Variants in NREP observed in about 807,000 individuals in gnomAD.
The protein encoded by NREP is neuronal regeneration-related protein.
NREP carries 5 observed loss-of-function variants against 8.6 expected under a neutral mutation model. That is an observed-to-expected ratio of 0.58 (90% CI 0.30 to 1.22). The LOEUF (loss-of-function observed/expected upper bound fraction) is 1.22, where lower values mean the gene tolerates loss of function less well. NREP is among the 50% of genes most tolerant of loss of function. NREP has a pLI of 0.07. For missense variants in NREP, 86 were observed against 82.5 expected (o/e 1.04, Z -0.17); for synonymous variants, 27 against 28.0 (o/e 0.96, Z 0.11).
intron 2 of NREP, among the ~76,000 whole-genome samples, chr5:111,791,770 G>A (rs769449642): frequency 2.0e-5 from 3 of 152,222 alleles, no homozygotes; most frequent in Non-Finnish European, 2.9e-5. Flanking sequence ...ATGGCACCCT[G>A]TGACTTAAAT....
intron 2 of NREP, among the ~76,000 whole-genome samples, chr5:111,897,025 G>A (rs1232310839): frequency 6.6e-6 from 1 of 152,026 alleles, no homozygotes; most frequent in Non-Finnish European, 1.5e-5. Flanking sequence ...TGGTTTTGGA[G>A]AACAGGGGTC....
At chr5:111,930,255 C>T (rs1170212137) in intron 2 of NREP, among the ~76,000 whole-genome samples, 2 of 152,120 alleles carry the variant, frequency 1.3e-5, no homozygotes, top group African/African-American at 4.8e-5. Context: ...ACTGATTACA[C>T]AGCTCAGGAT....
At chr5:111,809,640 C>CTTCTCCACCGTG (rs1360547864) in intron 2 of NREP, among the ~76,000 whole-genome samples, 2 of 152,134 alleles carry the variant, frequency 1.3e-5, no homozygotes, top group East Asian at 3.9e-4. Context: ...CCCCTTTGAC[C>CTTCTCCACCGTG]TTCTCCACCG....
chr5:111,732,774 G>A (rs920916499), intron 3 of NREP: 1 of 151,964 alleles, frequency 6.6e-6, no homozygotes, highest in African/African-American at 2.4e-5. Context: ...TTCAGGATAG[G>A]ACAAACTTAG....
In NREP at chr5:111,855,783, C is replaced by T. The variant is rs536547540; in HGVS notation, c.135+119491G>A. Among the ~76,000 whole-genome samples, 12 of 152,210 alleles carry T rather than the reference C, an allele frequency of 7.9e-5. No homozygotes were observed. The South Asian group carries it at 8.3e-4, about 11-fold the overall frequency. On this transcript the variant is annotated intron_variant, in intron 2 of 3. Coordinates refer to the NREP transcript ENST00000395634. The stretch of plus-strand genomic sequence containing the variant: ...AAAGCCACCCCTAGGGGTTGCAGGA[C>T]CAGGACAAATCACACAGGGCCAACC...
At position 111,781,833 on chromosome 5, in the gene NREP, G is replaced by A. The variant is rs73787385; in HGVS notation, c.136-46326C>T. ...AGGCTATCGGGGCCAAGGGGAGGTG[G>A]GGAAGAAATTGGTTCATCTTTCAGG... On this transcript the variant is annotated intron_variant, in intron 2 of 3. Transcript: ENST00000395634. 1.7e-3 allele frequency among the ~76,000 whole-genome samples: 253 copies of A among 152,206 alleles called. 1 individual carries two copies. The highest frequency in any genetic ancestry group is 5.9e-3 in the African/African-American group (245 of 41,558).
intron 2 of NREP, among the ~76,000 whole-genome samples, chr5:111,865,277 T>C (rs982444349): frequency 6.6e-6 from 1 of 152,184 alleles, no homozygotes; most frequent in African/African-American, 2.4e-5. Flanking sequence ...ATCAGTGGTA[T>C]AGCTCACACA....
chr5:111,859,819 G>A (rs1007612690), intron 2 of NREP, among the ~76,000 whole-genome samples: 3 of 151,930 alleles, frequency 2.0e-5, no homozygotes, highest in East Asian at 3.9e-4. Flanking sequence ...CAGTGCCATG[G>A]CAATTCTGTT....
At chr5:111,776,089 T>C (rs1210361729) in intron 2 of NREP, among the ~76,000 whole-genome samples, 1 of 152,180 alleles carries the variant, frequency 6.6e-6, no homozygotes, top group Non-Finnish European at 1.5e-5. Context: ...CCTCAAACCC[T>C]GCCAGGAGCA....
chr5:111,975,170 G>A (rs994229170), intron 2 of NREP: 22 of 757,768 alleles, frequency 2.9e-5, no homozygotes, highest in Non-Finnish European at 4.7e-5. Context: ...GGCAATGGTG[G>A]GAATGACTGC....
At chr5:111,766,101 G>A (rs140173892) in intron 2 of NREP, among the ~76,000 whole-genome samples, 52 of 152,212 alleles carry the variant, frequency 3.4e-4, no homozygotes, top group South Asian at 8.3e-4. Flanking sequence ...ACTGCACTTC[G>A]TAACTTCAAG....
intron 2 of NREP, among the ~76,000 whole-genome samples, chr5:111,772,760 C>G (rs895366829): frequency 6.6e-6 from 1 of 152,020 alleles, no homozygotes; most frequent in African/African-American, 2.4e-5. Context: ...TGACTCAGCA[C>G]CTGAAAGATG....
chr5:111,940,271 A>T (rs989146334), intron 2 of NREP: 5 of 152,102 alleles, frequency 3.3e-5, no homozygotes, highest in Non-Finnish European at 7.4e-5. Flanking sequence ...AAAACAAAAT[A>T]TAGTTTAAGG....
chr5:111,757,287 A>G, upstream of NREP: 2 of 456,274 alleles, frequency 4.4e-6, no homozygotes, highest in African/African-American at 4.4e-5. Context: ...GAGGAAGAGG[A>G]GGGAGGAGGG....
chr5:111,771,772 A>AC (rs1751236071), intron 2 of NREP, among the ~76,000 whole-genome samples: 1 of 151,984 alleles, frequency 6.6e-6, no homozygotes, highest in Non-Finnish European at 1.5e-5. Context: ...TCAAAAAAAA[A>AC]AAAAAACAAA....
At chr5:111,778,768 A>G (rs1751422025) in intron 2 of NREP, among the ~76,000 whole-genome samples, 1 of 152,146 alleles carries the variant, frequency 6.6e-6, no homozygotes, top group South Asian at 2.1e-4. Flanking sequence ...CATCTTGCAA[A>G]GCTCTCCTAT....
intron 2 of NREP, among the ~76,000 whole-genome samples, chr5:111,825,573 A>AT (rs150471884): frequency 9.1e-4 from 138 of 152,328 alleles, no homozygotes; most frequent in African/African-American, 3.2e-3. Context: ...AACAGAAAGG[A>AT]TTTTTGGTAG....
rs1751352596 is a variant in NREP at position 111,776,177 on chromosome 5, A to C, written c.136-40670T>G. Among the ~76,000 whole-genome samples the C allele has an allele frequency of 3.9e-5, 6 of 152,272 alleles. 1 individual carries two copies. In the South Asian group the frequency reaches 1.2e-3, roughly 32 times the overall value. On this transcript the variant is annotated intron_variant, in intron 2 of 3. Transcript: ENST00000395634. ...TTAAAAATAAGCATATCCTTGGGTC[A>C]AGTAAATTCATGTCATAATTTTTCC...
At chr5:111,862,354 C>T (rs957920439) in intron 2 of NREP, among the ~76,000 whole-genome samples, 7 of 152,144 alleles carry the variant, frequency 4.6e-5, no homozygotes, top group African/African-American at 1.7e-4. Flanking sequence ...GGGAAGCCAG[C>T]TAAGTATGTG....
Sources: gnomAD v4.1 joint callset for allele counts (sites outside exome capture counted in the v4.1 genomes callset) on GRCh38, gnomAD v4.1.1 for gene constraint, MANE v1.5 for transcripts, NCBI Gene and HGNC (gene_info 2026-07-23, HGNC 2026-07-21) for gene names.